GABRB1: variants seen among roughly 807,000 people sequenced by gnomAD.
GABRB1 encodes the protein gamma-aminobutyric acid receptor subunit beta-1.
In GABRB1, 17 loss-of-function variants were observed where a neutral mutation model predicts 51.6. The ratio of observed to expected loss-of-function variants is 0.33; its 90% CI spans 0.23 to 0.49. The LOEUF (loss-of-function observed/expected upper bound fraction) is 0.49, where lower values mean the gene tolerates loss of function less well. Among genes scored for constraint, GABRB1 ranks in the 20% least tolerant of loss-of-function variants. The probability of loss-of-function intolerance (pLI) is 0.99; values close to 1 mark genes in which losing one functional copy is unlikely to be tolerated. For synonymous variants in GABRB1, 247 were observed against 218.9 expected (o/e 1.13, Z -1.14); for missense variants, 410 against 600.6 (o/e 0.68, Z 3.32).
Position 47,320,309 on chromosome 4 carries a change from G to A in GABRB1, c.544+100G>A, listed in dbSNP as rs561707360. 100 of 774,690 alleles carry A rather than the reference G, an allele frequency of 1.3e-4. 2 individuals carry two copies. In the South Asian group the frequency reaches 1.4e-3, roughly 11 times the overall value. 48.0% of individuals were successfully genotyped at this position (774,690 alleles called of 1,614,324 possible). On this transcript the variant is annotated intron_variant, in intron 5 of 8. Coordinates refer to ENST00000295454, the MANE Select transcript of GABRB1 (RefSeq NM_000812.4). ...TAATTAGCACCAGGATTTTCTAGCT[G>A]CGCTTGCCTGATAAGTTTTCAAAGG...
chr4:47,033,062 C>T (rs1725406207), intron 3 of GABRB1: 2 of 267,390 alleles, frequency 7.5e-6, no homozygotes, highest in Non-Finnish European at 1.5e-5. Flanking sequence ...GTGCCCGAGC[C>T]TGGGTAGGCT....
chr4:47,229,554 T>C (rs1721064694), intron 4 of GABRB1, among the ~76,000 whole-genome samples: 1 of 152,158 alleles, frequency 6.6e-6, no homozygotes, highest in South Asian at 2.1e-4. Context: ...CACTTCTTAA[T>C]CTCCAGAATC....
At chr4:47,030,510 A>G (rs1725254515), upstream of GABRB1, among the ~76,000 whole-genome samples, 1 of 152,184 alleles carries the variant, frequency 6.6e-6, no homozygotes, top group South Asian at 2.1e-4. Flanking sequence ...CTCCCATTAG[A>G]TGTGAATTTC....
chr4:47,105,519 T>C (rs1021977755), intron 3 of GABRB1, among the ~76,000 whole-genome samples: 1 of 152,060 alleles, frequency 6.6e-6, no homozygotes, highest in African/African-American at 2.4e-5. Flanking sequence ...CTGAAAGAGA[T>C]CTCAAATGGT....
At chr4:47,155,357 T>C (rs1277029007) in intron 3 of GABRB1, among the ~76,000 whole-genome samples, 1 of 152,030 alleles carries the variant, frequency 6.6e-6, no homozygotes, top group Non-Finnish European at 1.5e-5. Flanking sequence ...TAATATATAT[T>C]AAAATCAATG....
intron 4 of GABRB1, among the ~76,000 whole-genome samples, chr4:47,300,676 G>A (rs559881923): frequency 2.6e-5 from 4 of 151,718 alleles, no homozygotes; most frequent in Non-Finnish European, 4.4e-5. Flanking sequence ...TATATTTATG[G>A]GGTACATGAG....
chr4:47,416,736 G>A (rs1041052914), intron 8 of GABRB1, among the ~76,000 whole-genome samples: 9 of 152,074 alleles, frequency 5.9e-5, no homozygotes, highest in Admixed American at 2.0e-4. Flanking sequence ...ACGTGCATGA[G>A]CCACTGCACC....
intron 4 of GABRB1, among the ~76,000 whole-genome samples, chr4:47,193,413 C>T (rs1165377736): frequency 6.6e-6 from 1 of 152,212 alleles, no homozygotes; most frequent in Non-Finnish European, 1.5e-5. Flanking sequence ...AGCCACTGCA[C>T]CCGGCCCATA....
intron 5 of GABRB1, among the ~76,000 whole-genome samples, chr4:47,332,948 G>C (rs1358428413): frequency 6.6e-6 from 1 of 151,330 alleles, no homozygotes; most frequent in Non-Finnish European, 1.5e-5. Context: ...TCTCTCTAAA[G>C]TGCATGCCTT....
At chr4:47,304,477 G>GT (rs1218786991) in intron 4 of GABRB1, among the ~76,000 whole-genome samples, 3 of 151,820 alleles carry the variant, frequency 2.0e-5, no homozygotes, top group African/African-American at 7.2e-5. Context: ...TTTTAATTGG[G>GT]TTACTTGTTT....
At chr4:47,072,044 A>G (rs201079887) in intron 3 of GABRB1, among the ~76,000 whole-genome samples, 89 of 41,300 alleles carry the variant, frequency 2.2e-3, no homozygotes, top group Non-Finnish European at 3.2e-3. Flanking sequence ...CAGTTAAGGG[A>G]AAAAAAAAAA....
intron 1 of GABRB1, among the ~76,000 whole-genome samples, chr4:47,004,071 C>G (rs574890985): frequency 9.2e-5 from 14 of 152,054 alleles, no homozygotes; most frequent in African/African-American, 2.9e-4. Flanking sequence ...CTCATGCAAC[C>G]GCCACCTCCT....
intron 5 of GABRB1, among the ~76,000 whole-genome samples, chr4:47,329,869 G>C (rs1366829340): frequency 6.6e-6 from 1 of 151,898 alleles, no homozygotes; most frequent in African/African-American, 2.4e-5. Flanking sequence ...ATAAGAAAGA[G>C]AGAGAAAGAC....
At chr4:47,070,326 G>A (rs1015365282) in intron 3 of GABRB1, among the ~76,000 whole-genome samples, 5 of 150,646 alleles carry the variant, frequency 3.3e-5, no homozygotes, top group Non-Finnish European at 7.4e-5. Context: ...GTAAGCCACC[G>A]TGCCCAGCCT....
intron 5 of GABRB1, among the ~76,000 whole-genome samples, chr4:47,371,096 C>G (rs1159522782): frequency 1.6e-4 from 23 of 141,088 alleles, no homozygotes; most frequent in Admixed American, 1.4e-4. Flanking sequence ...CCCCCACCCC[C>G]ACCCTGACAG....
intron 4 of GABRB1, among the ~76,000 whole-genome samples, chr4:47,258,131 T>A (rs2109873351): frequency 6.6e-6 from 1 of 152,318 alleles, no homozygotes; most frequent in South Asian, 2.1e-4. Context: ...ATAACTCATT[T>A]TCTTGCAGTG....
intron 3 of GABRB1, among the ~76,000 whole-genome samples, chr4:47,089,504 G>C (rs1247070694): frequency 6.6e-6 from 1 of 152,080 alleles, no homozygotes; most frequent in African/African-American, 2.4e-5. Flanking sequence ...GAGAATAAAC[G>C]AGAGCACATC....
At chr4:47,189,315 T>C (rs1216909420) in intron 4 of GABRB1, among the ~76,000 whole-genome samples, 4 of 151,908 alleles carry the variant, frequency 2.6e-5, no homozygotes, top group African/African-American at 9.7e-5. Context: ...CATAATATTA[T>C]GGCAGTGATG....
At chr4:47,371,657 G>A (rs915836735) in intron 5 of GABRB1, among the ~76,000 whole-genome samples, 2 of 151,088 alleles carry the variant, frequency 1.3e-5, no homozygotes, top group African/African-American at 4.8e-5. Flanking sequence ...GTATCTCGTT[G>A]TGGTTTTGAT....
Sources: allele counts gnomAD v4.1 joint callset (sites outside exome capture counted in the v4.1 genomes callset), GRCh38; gene constraint gnomAD v4.1.1; transcripts MANE v1.5; gene names NCBI Gene and HGNC (gene_info 2026-07-23, HGNC 2026-07-21).